Variants in KIRREL3 observed in about 807,000 individuals in gnomAD.
KIRREL3 encodes kirre like nephrin family adhesion molecule 3, also known as kin of IRRE-like protein 3.
A neutral mutation model predicts 89.7 loss-of-function variants in KIRREL3; 36 were observed. The observed-to-expected ratio is 0.40, with a 90% CI of 0.31 to 0.53. The LOEUF is 0.53. Among genes scored for constraint, KIRREL3 ranks in the 20% least tolerant of loss-of-function variants. The probability of loss-of-function intolerance (pLI) is 0.49; values close to 1 mark genes in which losing one functional copy is unlikely to be tolerated. For missense variants in KIRREL3, 864 were observed against 1,056.6 expected (o/e 0.82, Z 2.53); for synonymous variants, 445 against 441.4 (o/e 1.01, Z -0.10).
intron 1 of KIRREL3, among the ~76,000 whole-genome samples, chr11:126,964,586 G>A (rs974837699): frequency 4.6e-5 from 7 of 152,108 alleles, no homozygotes; most frequent in African/African-American, 1.4e-4. Flanking sequence ...AAATGCCCAG[G>A]GGTACACCCA....
rs756234769 is a variant in KIRREL3 at position 126,565,478 on chromosome 11, C to T, written c.56-2566G>A. Among the ~76,000 whole-genome samples, 27 of 152,190 alleles carry T rather than the reference C, an allele frequency of 1.8e-4. No individual in the cohort carries two copies. Among genetic ancestry groups the T allele is most frequent in the Non-Finnish European group, 2.1e-4 (14 of 68,036 alleles). On this transcript the variant is annotated intron_variant, in intron 1 of 16. Transcript: ENST00000525144. This position sits in a 1 kb window ranked among gnomAD's most constrained non-coding sequence, Gnocchi z 5.4. ...TATTTGGCTCATTTAATTTGACACG[C>T]GTGGGTTAGTCTTAATTATTTAGGC... is the stretch of plus-strand genomic sequence containing the variant.
intron 1 of KIRREL3, among the ~76,000 whole-genome samples, chr11:126,617,233 T>A (rs1164187969): frequency 6.6e-6 from 1 of 152,220 alleles, no homozygotes; most frequent in Non-Finnish European, 1.5e-5. Flanking sequence ...GATGTCATCA[T>A]GAAACAAAAT....
chr11:126,988,972 A>G (rs554593934), intron 1 of KIRREL3, among the ~76,000 whole-genome samples: 1 of 152,148 alleles, frequency 6.6e-6, no homozygotes, highest in East Asian at 1.9e-4. Context: ...ATCCCAAAAC[A>G]CTAACGCAGC....
chr11:126,468,180 A>C (rs1956784036), intron 5 of KIRREL3, among the ~76,000 whole-genome samples: 1 of 152,084 alleles, frequency 6.6e-6, no homozygotes, highest in Admixed American at 6.5e-5. Context: ...TCCGTAACCC[A>C]TCCTTCCTCC....
rs557675361 is a variant in KIRREL3, at chr11:126,897,400, T to C, written c.55+103055A>G. Among the ~76,000 whole-genome samples the C allele has an allele frequency of 8.5e-5, 13 of 152,242 alleles. No homozygotes were observed. Among genetic ancestry groups the C allele is most frequent in the African/African-American group, 3.1e-4 (13 of 41,538 alleles). ...AATGGAAAGCCTTCCCCAAGCGTTC[T>C]CTTATTTTGGGGAAAAAAAATGAAT... On this transcript the variant is annotated intron_variant, in intron 1 of 16. Coordinates refer to ENST00000525144, the MANE Select transcript of KIRREL3 (RefSeq NM_032531.4). This position sits in a 1 kb window ranked among gnomAD's most constrained non-coding sequence, Gnocchi z 4.2.
rs1958538138 is a variant in KIRREL3 at position 126,520,156 on chromosome 11, C to T, written c.433+1159G>A. Among the ~76,000 whole-genome samples the T allele has an allele frequency of 6.6e-6, 1 of 152,142 alleles. No individual in the cohort carries two copies. The highest frequency in any genetic ancestry group is 2.4e-5 in the African/African-American group (1 of 41,418). On this transcript the variant is annotated intron_variant, in intron 4 of 16. Coordinates refer to ENST00000525144, the MANE Select transcript of KIRREL3 (RefSeq NM_032531.4). The surrounding 1 kb of genome is among the most constrained non-coding windows in gnomAD (Gnocchi z 4.9). ...TTTGGCCATGTAGATCTGAAGATAA[C>T]CTGACATGCTTTTAAATATTTCATC...
chr11:126,466,596 G>A (rs1241145457), intron 5 of KIRREL3, among the ~76,000 whole-genome samples: 1 of 152,210 alleles, frequency 6.6e-6, no homozygotes, highest in Non-Finnish European at 1.5e-5. Context: ...CGCCTCTCTT[G>A]TTTCTTTTGC....
At position 126,953,612 on chromosome 11, in the gene KIRREL3, G is replaced by C. The variant is rs1305863957; in HGVS notation, c.55+46843C>G. ...AATACACACACACACACTTGGGAGAGATAGAGAGACAGAGAGAGAGAACGA... is the reference window on the plus strand; with the variant it reads ...AATACACACACACACACTTGGGAGACATAGAGAGACAGAGAGAGAGAACGA... On this transcript the variant is annotated intron_variant, in intron 1 of 16. Transcript: ENST00000525144. The surrounding 1 kb of genome is among the most constrained non-coding windows in gnomAD (Gnocchi z 5.2). Among the ~76,000 whole-genome samples, 5 of 39,160 alleles carry C rather than the reference G, an allele frequency of 1.3e-4. No individual in the cohort carries two copies. Among genetic ancestry groups the C allele is most frequent in the Non-Finnish European group, 2.3e-4 (5 of 21,506 alleles). 25.7% of individuals were successfully genotyped at this position (39,160 alleles called of 152,430 possible). A position where few individuals can be genotyped will look rare whatever the true frequency, so the allele number is the denominator to read the frequency against.
chr11:126,778,190 A>G lies in KIRREL3; in HGVS notation c.56-215278T>C, dbSNP rs1263250825. Among the ~76,000 whole-genome samples, 3 of 152,188 alleles carry G rather than the reference A, an allele frequency of 2.0e-5. No individual in the cohort carries two copies. Among genetic ancestry groups the G allele is most frequent in the Non-Finnish European group, 2.9e-5 (2 of 68,034 alleles). ...CCCTTTCTAGGGTTGTATATTCATG[A>G]GATTCACATGCACATATTTTTTCTT... On this transcript the variant is annotated intron_variant, in intron 1 of 16. Coordinates refer to ENST00000525144, the MANE Select transcript of KIRREL3 (RefSeq NM_032531.4). This position sits in a 1 kb window ranked among gnomAD's most constrained non-coding sequence, Gnocchi z 4.5.
At position 126,983,948 on chromosome 11, in the gene KIRREL3, T is replaced by G. The variant is rs967595953; in HGVS notation, c.55+16507A>C. Among the ~76,000 whole-genome samples, 2 of 152,174 alleles carry G rather than the reference T, an allele frequency of 1.3e-5. No homozygotes were observed. The highest frequency in any genetic ancestry group is 4.8e-5 in the African/African-American group (2 of 41,438). On this transcript the variant is annotated intron_variant, in intron 1 of 16. Transcript: ENST00000525144. The surrounding 1 kb of genome is among the most constrained non-coding windows in gnomAD (Gnocchi z 4.9). ...TCTCCCAAAAGTAGTACATATCTAGTATCATTTTAGATGCATAGGAAATAA... is the reference window on the plus strand; with the variant it reads ...TCTCCCAAAAGTAGTACATATCTAGGATCATTTTAGATGCATAGGAAATAA...
chr11:126,436,716 GC>G, intron 12 of KIRREL3, 94 bp downstream of exon 12: 2 of 1,343,418 alleles, frequency 1.5e-6, no homozygotes, highest in Non-Finnish European at 2.1e-6. Flanking sequence ...TTGGGCCCTG[GC>G]CCACCTTGCA....
chr11:126,907,034 A>C (rs1946616211), intron 1 of KIRREL3, among the ~76,000 whole-genome samples: 1 of 152,212 alleles, frequency 6.6e-6, no homozygotes, highest in Non-Finnish European at 1.5e-5. Flanking sequence ...CATGCATGTC[A>C]ACCCATTCCT....
rs951410872 is a variant in KIRREL3 at position 126,999,158 on chromosome 11, G to A, written c.55+1297C>T. The stretch of plus-strand genomic sequence containing the variant: ...ACCATATGAATACATGAGTGTGTGT[G>A]TGTGTGTGTGTGTACATACATTATC... On this transcript the variant is annotated intron_variant, in intron 1 of 16. Transcript: ENST00000525144. This position sits in a 1 kb window ranked among gnomAD's most constrained non-coding sequence, Gnocchi z 5.7. 1.8e-4 allele frequency among the ~76,000 whole-genome samples: 28 copies of A among 152,022 alleles called. No individual in the cohort carries two copies. Among genetic ancestry groups the A allele is most frequent in the Non-Finnish European group, 7.3e-5 (5 of 68,030 alleles).
intron 1 of KIRREL3, among the ~76,000 whole-genome samples, chr11:126,674,575 AATC>A (rs1316168504): frequency 6.6e-6 from 1 of 152,190 alleles, no homozygotes; most frequent in Non-Finnish European, 1.5e-5. Context: ...CCAAGCAAGA[AATC>A]ATCCCCAATA....
At chr11:126,929,623 C>T (rs757053015) in intron 1 of KIRREL3, among the ~76,000 whole-genome samples, 36 of 152,180 alleles carry the variant, frequency 2.4e-4, no homozygotes, top group Admixed American at 5.9e-4. Context: ...CCCAGTTTTG[C>T]AGCAGCAAGA....
rs976098582 is a variant in KIRREL3 at position 126,531,848 on chromosome 11, C to T, written c.134-5161G>A. 6.6e-6 allele frequency among the ~76,000 whole-genome samples: 1 copy of T among 152,150 alleles called. No individual in the cohort carries two copies. The highest frequency in any genetic ancestry group is 1.5e-5 in the Non-Finnish European group (1 of 68,040). On this transcript the variant is annotated intron_variant, in intron 2 of 16. Transcript: ENST00000525144. This position sits in a 1 kb window ranked among gnomAD's most constrained non-coding sequence, Gnocchi z 4.7. The stretch of plus-strand genomic sequence containing the variant: ...TGTGTTCCCAGCTGTGGGTGAGCAC[C>T]GGTTACACGTCTGTCACATGTGCCT...
chr11:126,447,010 C>T (rs1330652916), intron 8 of KIRREL3, 124 bp from the exon 9 acceptor site: 2 of 1,193,332 alleles, frequency 1.7e-6, no homozygotes, highest in East Asian at 2.6e-5. Flanking sequence ...GTACTTGTGC[C>T]ACCTCAGTCG....
intron 1 of KIRREL3, among the ~76,000 whole-genome samples, chr11:126,756,150 C>T (rs1045898889): frequency 2.0e-5 from 3 of 152,086 alleles, no homozygotes; most frequent in Non-Finnish European, 4.4e-5. Flanking sequence ...ATTTATAACT[C>T]GATGAAGCCA....
chr11:126,743,755 T>C (rs911575258), intron 1 of KIRREL3, among the ~76,000 whole-genome samples: 1 of 152,222 alleles, frequency 6.6e-6, no homozygotes, highest in Admixed American at 6.5e-5. Flanking sequence ...TGGTTGATTA[T>C]TACATGAGAT....
Sources: allele counts gnomAD v4.1 joint callset (sites outside exome capture counted in the v4.1 genomes callset), GRCh38; gene constraint gnomAD v4.1.1; non-coding constraint Gnocchi (gnomAD v3.1); transcripts MANE v1.5; gene names NCBI Gene and HGNC (gene_info 2026-07-23, HGNC 2026-07-21).